SLX4IP: variants seen among roughly 807,000 people sequenced by gnomAD.
The protein encoded by SLX4IP is SLX4 interacting protein, also known as protein SLX4IP.
Under a neutral mutation model 32.9 loss-of-function variants are expected in SLX4IP, and 34 were observed. The observed-to-expected ratio is 1.03, with a 90% CI of 0.79 to 1.38. The LOEUF is 1.38. SLX4IP is among the 40% of genes most tolerant of loss of function. SLX4IP has a pLI of 0.00. For missense variants in SLX4IP, 444 were observed against 479.0 expected, an observed-to-expected ratio of 0.93 and a Z score of 0.68; for synonymous variants, 172 against 171.7, an observed-to-expected ratio of 1.00 and a Z score of -0.01.
intron 6 of SLX4IP, chr20:10,613,171 T>C: frequency 2.0e-6 from 1 of 493,058 alleles, no homozygotes; most frequent in South Asian, 2.1e-5. Flanking sequence ...GCAAGTGCTG[T>C]CAGGAAGGGA....
chr20:10,454,490 A>G (rs1319446209), intron 1 of SLX4IP, among the ~76,000 whole-genome samples: 2 of 152,204 alleles, frequency 1.3e-5, no homozygotes, highest in Non-Finnish European at 1.5e-5. Context: ...TTTCCAGACT[A>G]GAGATCCTCT....
intron 1 of SLX4IP, among the ~76,000 whole-genome samples, chr20:10,452,560 G>A (rs1489472080): frequency 6.6e-6 from 1 of 151,528 alleles, no homozygotes; most frequent in East Asian, 1.9e-4. Flanking sequence ...CGGCTACTCG[G>A]GAAGCTGAGA....
intron 1 of SLX4IP, among the ~76,000 whole-genome samples, chr20:10,445,624 G>A (rs891723131): frequency 1.9e-4 from 26 of 138,472 alleles, no homozygotes; most frequent in African/African-American, 6.6e-4. Context: ...CGATGAGATT[G>A]CCCTTTTTTT....
chr20:10,496,445 A>C (rs892359245), intron 2 of SLX4IP, among the ~76,000 whole-genome samples: 1 of 152,160 alleles, frequency 6.6e-6, no homozygotes, highest in Non-Finnish European at 1.5e-5. Context: ...AGAAAACCCA[A>C]TTAGAGAGTC....
At chr20:10,511,712 G>A (rs2065809212) in intron 2 of SLX4IP, among the ~76,000 whole-genome samples, 2 of 152,344 alleles carry the variant, frequency 1.3e-5, no homozygotes, top group South Asian at 4.1e-4. Flanking sequence ...ACAGTTAGGT[G>A]GCCAGACTGA....
At chr20:10,595,196 C>G (rs142228124) in intron 4 of SLX4IP, among the ~76,000 whole-genome samples, 8 of 152,134 alleles carry the variant, frequency 5.3e-5, no homozygotes, top group Non-Finnish European at 1.2e-4. Flanking sequence ...ATGCACATAC[C>G]TGCAGACGCC....
intron 2 of SLX4IP, among the ~76,000 whole-genome samples, chr20:10,483,056 G>A (rs1299082357): frequency 4.6e-5 from 7 of 152,210 alleles, no homozygotes; most frequent in Non-Finnish European, 7.4e-5. Flanking sequence ...ATAGTGATAC[G>A]TTATCTATGT....
At position 10,623,622 on chromosome 20, in the gene SLX4IP, T is replaced by G; in HGVS notation, c.*243T>G. 1 of 564,184 alleles carries G rather than the reference T, an allele frequency of 1.8e-6. No individual in the cohort carries two copies. The highest frequency in any genetic ancestry group is 3.2e-5 in the East Asian group (1 of 31,606). 34.9% of individuals were successfully genotyped at this position (564,184 alleles called of 1,614,324 possible). A position where few individuals can be genotyped will look rare whatever the true frequency, so the allele number is the denominator to read the frequency against. ...TATTTTATGACTGTCTTCAGAGAAT[T>G]AGTAATGACAAAGAGCCATCCACCT... On this transcript the variant is annotated 3_prime_UTR_variant, in exon 8 of 8. Coordinates refer to ENST00000334534, the MANE Select transcript of SLX4IP (RefSeq NM_001009608.3).
At chr20:10,473,612 T>C (rs1298923168) in intron 2 of SLX4IP, among the ~76,000 whole-genome samples, 2 of 152,000 alleles carry the variant, frequency 1.3e-5, no homozygotes, top group Non-Finnish European at 2.9e-5. Flanking sequence ...GTTTCTTTTT[T>C]TTTTTTTTGA....
intron 2 of SLX4IP, among the ~76,000 whole-genome samples, chr20:10,547,564 A>G (rs1338074698): frequency 6.6e-6 from 1 of 152,234 alleles, no homozygotes; most frequent in Non-Finnish European, 1.5e-5. Flanking sequence ...CACATTGTCA[A>G]CCAGGGCTTT....
At chr20:10,509,858 T>C (rs976618938) in intron 2 of SLX4IP, among the ~76,000 whole-genome samples, 1 of 152,206 alleles carries the variant, frequency 6.6e-6, no homozygotes, top group Non-Finnish European at 1.5e-5. Context: ...CTAACTATTT[T>C]TTAATTTTAA....
intron 4 of SLX4IP, among the ~76,000 whole-genome samples, chr20:10,563,645 G>A (rs1016604239): frequency 1.3e-5 from 2 of 152,124 alleles, no homozygotes; most frequent in African/African-American, 4.8e-5. Flanking sequence ...TTTCCCAGCA[G>A]CATTTATTAA....
At chr20:10,580,477 C>T (rs2066571684) in intron 4 of SLX4IP, among the ~76,000 whole-genome samples, 1 of 149,170 alleles carries the variant, frequency 6.7e-6, no homozygotes, top group Non-Finnish European at 1.5e-5. Flanking sequence ...TTGTTACTCC[C>T]CTTTGTTAAG....
intron 2 of SLX4IP, among the ~76,000 whole-genome samples, chr20:10,548,645 G>A (rs904495669): frequency 6.6e-6 from 1 of 152,192 alleles, no homozygotes; most frequent in South Asian, 2.1e-4. Flanking sequence ...GTATTGCCAG[G>A]TTGGCAAGGC....
rs1247587076 is a variant in SLX4IP at position 10,622,770 on chromosome 20, T to A, written c.618T>A (p.Asn206Lys). The A allele has an allele frequency of 6.2e-7, 1 of 1,614,082 alleles. No individual in the cohort carries two copies. The highest frequency in any genetic ancestry group is 1.7e-5 in the Admixed American group (1 of 60,024). Reference sequence around the variant, plus strand: ...TTGCAGAGATAGCAAGGAGGAGGAATGATGGTCAGGCTTCCTCCAGTCCCC... The same window carrying A: ...TTGCAGAGATAGCAAGGAGGAGGAAAGATGGTCAGGCTTCCTCCAGTCCCC... ...SVIAEIARRR[N>K]DGQASSSPPS... The change falls in exon 8 of 8, where the codon AAT (asparagine) becomes AAA (lysine). Residue 206 changes from asparagine to lysine, a missense_variant. By Grantham distance (94) the Asn-to-Lys change is moderately conservative. Coordinates refer to ENST00000334534, the MANE Select transcript of SLX4IP (RefSeq NM_001009608.3).
chr20:10,621,757 G>A (rs1197161855), intron 7 of SLX4IP, among the ~76,000 whole-genome samples: 1 of 151,916 alleles, frequency 6.6e-6, no homozygotes, highest in African/African-American at 2.4e-5. Context: ...ATATAATTAC[G>A]ATAATCCTCA....
chr20:10,474,119 G>A (rs2065453170), intron 2 of SLX4IP, among the ~76,000 whole-genome samples: 1 of 152,066 alleles, frequency 6.6e-6, no homozygotes, highest in African/African-American at 2.4e-5. Context: ...CACGGTGCTC[G>A]GCCTCAGGCT....
At chr20:10,567,524 G>A (rs2066410851) in intron 4 of SLX4IP, among the ~76,000 whole-genome samples, 1 of 152,118 alleles carries the variant, frequency 6.6e-6, no homozygotes, top group Non-Finnish European at 1.5e-5. Context: ...CTGGTGCCTT[G>A]ATCTTGGACT....
Position 10,622,938 on chromosome 20 carries a change from G to A in SLX4IP, c.786G>A (p.Arg262=). 1 of 1,614,138 alleles carries A rather than the reference G, an allele frequency of 6.2e-7. No individual in the cohort carries two copies. The highest frequency in any genetic ancestry group is 8.5e-7 in the Non-Finnish European group (1 of 1,180,034). The change falls in exon 8 of 8, where the codon CGG becomes CGA. Residue 262 remains arginine (R), a synonymous_variant. Transcript: ENST00000334534. ...AGCAAAAACCTCATCCTGGGGAGCG[G>A]TTAAAGACAGGGCTTCTAAGCAGGA... is the stretch of plus-strand genomic sequence containing the variant. The part of the protein sequence containing the change: ...SGQQKPHPGE[R]LKTGLLSRSP...
Sources: gnomAD v4.1 joint callset for allele counts (sites outside exome capture counted in the v4.1 genomes callset) on GRCh38, gnomAD v4.1.1 for gene constraint, MANE v1.5 for transcripts, NCBI Gene and HGNC (gene_info 2026-07-23, HGNC 2026-07-21) for gene names.